The following TMBIM1 variants were observed in gnomAD, a reference collection of about 807,000 sequenced individuals.
TMBIM1 encodes the protein protein lifeguard 3.
In TMBIM1, 34 loss-of-function variants were observed where a neutral mutation model predicts 45.1. That is an observed-to-expected ratio of 0.75 (90% CI 0.57 to 1.00). TMBIM1 has a LOEUF of 1.00. Ranked by LOEUF, TMBIM1 falls within the 50% of genes least tolerant of loss-of-function variation. The probability of loss-of-function intolerance (pLI) is 0.00; values close to 1 mark genes in which losing one functional copy is unlikely to be tolerated. For missense variants in TMBIM1, 374 were observed against 402.4 expected, an observed-to-expected ratio of 0.93 and a Z score of 0.60; for synonymous variants, 157 against 153.5, an observed-to-expected ratio of 1.02 and a Z score of -0.17.
chr2:218,279,345 G>A lies in TMBIM1; in HGVS notation c.312C>T (p.Ser104=), dbSNP rs769903202. ...VRHTFIRKVY[S]IISVQLLITV... The stretch of plus-strand genomic sequence containing the variant: ...TGATGAGCAGCTGCACGGAGATGAT[G>A]GAGTAAACCTGGACACAGACGGCCG... The change falls in exon 4 of 12, where the codon TCC becomes TCT. Residue 104 remains serine (S), a synonymous_variant. Coordinates refer to ENST00000258412, the MANE Select transcript of TMBIM1 (RefSeq NM_022152.6). 1.1e-5 allele frequency: 17 copies of A among 1,579,462 alleles called. No individual in the cohort carries two copies. Among genetic ancestry groups the A allele is most frequent in the Non-Finnish European group, 9.5e-6 (11 of 1,163,300 alleles).
At chr2:218,277,845 A>G in intron 7 of TMBIM1, 90 bp downstream of exon 7, 2 of 1,582,248 alleles carry the variant, frequency 1.3e-6, no homozygotes, top group Non-Finnish European at 1.7e-6. Context: ...GACAGCCAGG[A>G]CATCCTTCTG....
At chr2:218,278,262 G>A (rs778201867) in intron 6 of TMBIM1, 32 of 603,952 alleles carry the variant, frequency 5.3e-5, no homozygotes, top group Admixed American at 4.4e-4. Context: ...TTTGAGCCTC[G>A]GGTTCTTCCT....
chr2:218,278,488 T>C, intron 6 of TMBIM1, 27 bp downstream of exon 6: 1 of 1,612,286 alleles, frequency 6.2e-7, no homozygotes, highest in Non-Finnish European at 8.5e-7. Context: ...GTCACCCCTC[T>C]CACTGTGTTA....
Position 218,276,013 on chromosome 2 carries a change from G to A in TMBIM1, c.789+13C>T, listed in dbSNP as rs747682844. Reference sequence around the variant, plus strand: ...CCCTCAGCTCCCCTTCCTAGAGTGGGGCTGGGACTTACCAGGGTGAAACAA... The same window carrying A: ...CCCTCAGCTCCCCTTCCTAGAGTGGAGCTGGGACTTACCAGGGTGAAACAA... On this transcript the variant is annotated intron_variant, in intron 11 of 11. Coordinates refer to ENST00000258412, the MANE Select transcript of TMBIM1 (RefSeq NM_022152.6). 3.7e-6 allele frequency: 6 copies of A among 1,609,738 alleles called. No homozygotes were observed. The South Asian group carries it at 5.6e-5, about 15-fold the overall frequency.
chr2:218,280,213 G>A, intron 2 of TMBIM1, 87 bp from the exon 3 acceptor site: 1 of 974,824 alleles, frequency 1.0e-6, no homozygotes, highest in Non-Finnish European at 1.6e-6. Flanking sequence ...CAAAGTCTCA[G>A]GGATCTCCAG....
Position 218,277,654 on chromosome 2 carries a change from A to C in TMBIM1, c.530T>G (p.Phe177Cys), listed in dbSNP as rs1180354064. Residue 177 changes from phenylalanine to cysteine, a missense_variant, in exon 8 of 12, where the codon TTC becomes TGC. Phe to Cys is a radical substitution (Grantham distance 205). Transcript: ENST00000258412. Reference protein sequence around the residue: ...LLTLFTFAMGFMTGTISSMYQ... With the variant: ...LLTLFTFAMGCMTGTISSMYQ... ...GTACCTGGAAATGGTGCCCGTCATG[A>C]AGCCCATGGCAAAAGTCTAAGGGAA... 6.2e-7 allele frequency: 1 copy of C among 1,614,108 alleles called. No homozygotes were observed. The highest frequency in any genetic ancestry group is 2.2e-5 in the East Asian group (1 of 44,896).
Position 218,277,401 on chromosome 2 carries a change from A to AT in TMBIM1, c.603dup (p.Ser202IlefsTer37). ...AAGCAGAAGATGGTGACTGAAATGGATACCACCGCAGTGATGATCATTGCA... is the reference window on the plus strand; with the variant it reads ...AAGCAGAAGATGGTGACTGAAATGGATTACCACCGCAGTGATGATCATTGCA... On this transcript the variant is annotated frameshift_variant, in exon 9 of 12. Coordinates refer to ENST00000258412, the MANE Select transcript of TMBIM1 (RefSeq NM_022152.6). LOFTEE classifies it high-confidence loss of function. The AT allele has an allele frequency of 6.2e-7, 1 of 1,614,148 alleles. No individual in the cohort carries two copies. Among genetic ancestry groups the AT allele is most frequent in the Non-Finnish European group, 8.5e-7 (1 of 1,180,038 alleles).
chr2:218,290,587 G>C (rs1239682720), intron 1 of TMBIM1, among the ~76,000 whole-genome samples: 1 of 152,186 alleles, frequency 6.6e-6, no homozygotes, highest in Non-Finnish European at 1.5e-5. Flanking sequence ...TTACTGCCAA[G>C]GGCCGGGGGA....
intron 1 of TMBIM1, chr2:218,286,100 A>T (rs1692486135): frequency 6.5e-6 from 1 of 154,026 alleles, no homozygotes; most frequent in Admixed American, 6.5e-5. Context: ...GGGTTCTGCC[A>T]GCAGCTACTA....
chr2:218,276,941 G>A, intron 10 of TMBIM1, 63 bp downstream of exon 10: 1 of 1,401,758 alleles, frequency 7.1e-7, no homozygotes, highest in Non-Finnish European at 1.0e-6. Flanking sequence ...GCGAGACCAT[G>A]CTATATAGGA....
rs201267475 is a variant in TMBIM1, at chr2:218,278,002, A to G, written c.474-28T>C. The G allele has an allele frequency of 5.3e-5, 85 of 1,613,730 alleles. No homozygotes were observed. The Middle Eastern group carries it at 2.0e-3, about 38-fold the overall frequency. ...GAAGGGAAAGAGAAGCCTTGATTAAATGACTTGGGGCCCCTCAGGCGTCAG... is the reference window on the plus strand; with the variant it reads ...GAAGGGAAAGAGAAGCCTTGATTAAGTGACTTGGGGCCCCTCAGGCGTCAG... On this transcript the variant is annotated intron_variant, in intron 6 of 11. Coordinates refer to ENST00000258412, the MANE Select transcript of TMBIM1 (RefSeq NM_022152.6).
At chr2:218,277,217 AT>A in intron 9 of TMBIM1, 118 bp from the exon 10 acceptor site, 1 of 1,167,998 alleles carries the variant, frequency 8.6e-7, no homozygotes, top group Non-Finnish European at 1.3e-6. Flanking sequence ...TGTCCACAAC[AT>A]TCTAAGGACA....
At chr2:218,278,463 C>A (rs776266698) in intron 6 of TMBIM1, 52 bp downstream of exon 6, 5 of 1,571,870 alleles carry the variant, frequency 3.2e-6, no homozygotes, top group Non-Finnish European at 4.4e-6. Context: ...ATACTCGGCC[C>A]CCATCCCAAT....
intron 1 of TMBIM1, among the ~76,000 whole-genome samples, chr2:218,288,290 G>A (rs887071284): frequency 6.6e-6 from 1 of 152,212 alleles, no homozygotes; most frequent in Non-Finnish European, 1.5e-5. Flanking sequence ...TTAGCTGGAT[G>A]TGGTGGCGGA....
rs142238766 is a variant in TMBIM1 at position 218,282,922 on chromosome 2, G to A, written c.-40-741C>T. Among the ~76,000 whole-genome samples the A allele has an allele frequency of 3.6e-3, 546 of 152,294 alleles. 4 individuals are homozygous for A. The highest frequency in any genetic ancestry group is 0.013 in the African/African-American group (525 of 41,552). Reference sequence around the variant, plus strand: ...GCGGTGGCGTGTCAGAAAGGCATGCGGCAGCCTGCGACCACAGCTGCTCTC... The same window carrying A: ...GCGGTGGCGTGTCAGAAAGGCATGCAGCAGCCTGCGACCACAGCTGCTCTC... On this transcript the variant is annotated intron_variant, in intron 1 of 11. Transcript: ENST00000258412.
chr2:218,280,469 ACAGGGGATGGGGACAGAG>A, intron 2 of TMBIM1: 1 of 321,278 alleles, frequency 3.1e-6, no homozygotes, highest in East Asian at 8.4e-5. Flanking sequence ...CCAGGGCAGA[ACAGGGGATGGGGACAGAG>A]GGTAGGAGAA....
At chr2:218,279,148 G>T (rs1691585134) in intron 4 of TMBIM1, 57 bp from the exon 5 acceptor site, 4 of 1,607,904 alleles carry the variant, frequency 2.5e-6, no homozygotes, top group Non-Finnish European at 3.4e-6. Context: ...CCCCACCCAG[G>T]CCAGCCAGGC....
Position 218,275,581 on chromosome 2 carries a change from T to C in TMBIM1, c.830A>G (p.Lys277Arg), listed in dbSNP as rs1337839850. The change falls in exon 12 of 12, where the codon AAG becomes AGG. Residue 277 changes from lysine to arginine, a missense_variant. Lys to Arg is a conservative substitution (Grantham distance 26). Coordinates refer to ENST00000258412, the MANE Select transcript of TMBIM1 (RefSeq NM_022152.6). Reference sequence around the variant, plus strand: ...GTAGTCCTCGGGGCTGATGGTGTGCTTCCGGTTCCCCAGGACCAGCTGTGT... The same window carrying C: ...GTAGTCCTCGGGGCTGATGGTGTGCCTCCGGTTCCCCAGGACCAGCTGTGT... ...YDTQLVLGNRKHTISPEDYIT... is the reference protein window; with the variant it reads ...YDTQLVLGNRRHTISPEDYIT... 8.1e-6 allele frequency: 13 copies of C among 1,613,860 alleles called. No homozygotes were observed. The highest frequency in any genetic ancestry group is 1.1e-5 in the Non-Finnish European group (13 of 1,179,986).
chr2:218,290,526 G>A (rs997445066), intron 1 of TMBIM1, among the ~76,000 whole-genome samples: 7 of 152,142 alleles, frequency 4.6e-5, no homozygotes, highest in African/African-American at 1.7e-4. Context: ...GATCTCTGGC[G>A]AGGGTCCTCC....
Sources: gnomAD v4.1 joint callset for allele counts (sites outside exome capture counted in the v4.1 genomes callset) on GRCh38, gnomAD v4.1.1 for gene constraint, MANE v1.5 for transcripts, NCBI Gene and HGNC (gene_info 2026-07-23, HGNC 2026-07-21) for gene names.